Variants in RSPO3 observed in about 807,000 individuals in gnomAD.
RSPO3 encodes the protein R-spondin 3.
Under a neutral mutation model 36.5 loss-of-function variants are expected in RSPO3, and 17 were observed. The ratio of observed to expected loss-of-function variants is 0.47; its 90% CI spans 0.32 to 0.70. The LOEUF (loss-of-function observed/expected upper bound fraction) is 0.70, where lower values mean the gene tolerates loss of function less well. Ranked by LOEUF, RSPO3 falls within the 30% of genes least tolerant of loss-of-function variation. The probability of loss-of-function intolerance (pLI) is 0.04; values close to 1 mark genes in which losing one functional copy is unlikely to be tolerated. For synonymous variants in RSPO3, 108 were observed against 107.0 expected, an observed-to-expected ratio of 1.01 and a Z score of -0.06; for missense variants, 294 against 322.5, an observed-to-expected ratio of 0.91 and a Z score of 0.68.
intron 3 of RSPO3, 83 bp downstream of exon 3, chr6:127,150,655 C>T (rs1161028541): frequency 3.1e-6 from 4 of 1,291,442 alleles, no homozygotes; most frequent in African/African-American, 1.5e-5. Context: ...GCCAAAAGAA[C>T]TTGAAGGTTC....
At chr6:127,132,659 A>G (rs114179176) in intron 1 of RSPO3, among the ~76,000 whole-genome samples, 313 of 152,206 alleles carry the variant, frequency 2.1e-3, no homozygotes, top group African/African-American at 7.2e-3. Flanking sequence ...AAAAACTACT[A>G]AAAGGGATAA....
intron 3 of RSPO3, among the ~76,000 whole-genome samples, chr6:127,152,985 G>C (rs889706514): frequency 6.6e-6 from 1 of 151,994 alleles, no homozygotes; most frequent in African/African-American, 2.4e-5. Context: ...ACAAGAATTA[G>C]AGCAAAATGA....
intron 4 of RSPO3, among the ~76,000 whole-genome samples, chr6:127,175,880 T>A (rs1775046381): frequency 6.6e-6 from 1 of 151,804 alleles, no homozygotes; most frequent in Non-Finnish European, 1.5e-5. Context: ...GGACACATTA[T>A]ATTGAATAAG....
chr6:127,172,698 T>C (rs971947948), intron 4 of RSPO3, among the ~76,000 whole-genome samples: 3 of 151,822 alleles, frequency 2.0e-5, no homozygotes, highest in Admixed American at 6.6e-5. Context: ...ATAATATTAT[T>C]TGTTTAAATG....
intron 4 of RSPO3, among the ~76,000 whole-genome samples, chr6:127,158,971 T>C (rs1190140772): frequency 6.6e-6 from 1 of 152,136 alleles, no homozygotes. Context: ...GACTAATATA[T>C]AAACTATTAT....
At chr6:127,171,149 G>C (rs1774925729) in intron 4 of RSPO3, among the ~76,000 whole-genome samples, 2 of 151,780 alleles carry the variant, frequency 1.3e-5, no homozygotes, top group Non-Finnish European at 2.9e-5. Context: ...TGTTGAACAA[G>C]ATGTTTTCTA....
chr6:127,189,569 C>T (rs1449226828), intron 4 of RSPO3, among the ~76,000 whole-genome samples: 1 of 152,002 alleles, frequency 6.6e-6, no homozygotes, highest in African/African-American at 2.4e-5. Context: ...TTCTAAATTC[C>T]CAAAACAGCA....
intron 1 of RSPO3, among the ~76,000 whole-genome samples, chr6:127,119,533 C>T (rs950794945): frequency 6.6e-6 from 1 of 152,232 alleles, no homozygotes; most frequent in African/African-American, 2.4e-5. Flanking sequence ...AGGTGGCTCC[C>T]GCCCCATGGT....
At chr6:127,164,518 TTC>T (rs1179179281) in intron 4 of RSPO3, among the ~76,000 whole-genome samples, 37 of 152,246 alleles carry the variant, frequency 2.4e-4, no homozygotes, top group Admixed American at 1.4e-3. Context: ...TTTTTCTAGT[TTC>T]TCTGCATTTG....
chr6:127,184,583 A>G (rs544102565), intron 4 of RSPO3, among the ~76,000 whole-genome samples: 1 of 152,154 alleles, frequency 6.6e-6, no homozygotes, highest in African/African-American at 2.4e-5. Context: ...TTTCTTCTGC[A>G]TTAATCAGAT....
intron 1 of RSPO3, among the ~76,000 whole-genome samples, chr6:127,144,780 C>A (rs556504992): frequency 6.6e-6 from 1 of 151,568 alleles, no homozygotes; most frequent in South Asian, 2.1e-4. Flanking sequence ...CACCACCACA[C>A]TGGGCTAATT....
At chr6:127,159,840 G>A (rs1163161500) in intron 4 of RSPO3, among the ~76,000 whole-genome samples, 1 of 151,598 alleles carries the variant, frequency 6.6e-6, no homozygotes, top group Non-Finnish European at 1.5e-5. Flanking sequence ...GTAGACACGG[G>A]GTTTCACTGT....
chr6:127,158,919 A>C (rs1774649401), intron 4 of RSPO3, among the ~76,000 whole-genome samples: 1 of 152,198 alleles, frequency 6.6e-6, no homozygotes, highest in Admixed American at 6.5e-5. Flanking sequence ...ATTGAATTAT[A>C]TATTTGAAAT....
At chr6:127,160,807 G>C (rs935649136) in intron 4 of RSPO3, among the ~76,000 whole-genome samples, 3 of 152,056 alleles carry the variant, frequency 2.0e-5, no homozygotes, top group Non-Finnish European at 1.5e-5. Context: ...TCTGAACCCT[G>C]CCTCCAGAGT....
chr6:127,134,772 C>T (rs573655338), intron 1 of RSPO3, among the ~76,000 whole-genome samples: 3 of 152,290 alleles, frequency 2.0e-5, no homozygotes, highest in Non-Finnish European at 1.5e-5. Context: ...ACCTTCACAA[C>T]AATTTCATGA....
chr6:127,174,479 A>G (rs1028932186), intron 4 of RSPO3, among the ~76,000 whole-genome samples: 1 of 151,928 alleles, frequency 6.6e-6, no homozygotes, highest in Non-Finnish European at 1.5e-5. Context: ...TGAAGAAAGC[A>G]AAAGAAACAT....
rs115270920 is a variant in RSPO3 at position 127,147,342 on chromosome 6, T to A, written c.98-1306T>A. 4.7e-3 allele frequency among the ~76,000 whole-genome samples: 723 copies of A among 152,266 alleles called. 8 individuals carry two copies. Among genetic ancestry groups the A allele is most frequent in the African/African-American group, 0.017 (686 of 41,556 alleles). ...AACCAAACGTCACTGTAAAGACAGA[T>A]TTAATAATGTTAAGGTCCATCAGAG... On this transcript the variant is annotated intron_variant, in intron 1 of 4. Coordinates refer to ENST00000356698, the MANE Select transcript of RSPO3 (RefSeq NM_032784.5).
intron 4 of RSPO3, among the ~76,000 whole-genome samples, chr6:127,181,462 T>C (rs1205588003): frequency 6.6e-6 from 1 of 151,850 alleles, no homozygotes; most frequent in African/African-American, 2.4e-5. Flanking sequence ...TTTTTAGAAA[T>C]CACCCGGTAT....
At chr6:127,182,676 G>T (rs1775212862) in intron 4 of RSPO3, among the ~76,000 whole-genome samples, 1 of 151,800 alleles carries the variant, frequency 6.6e-6, no homozygotes, top group Non-Finnish European at 1.5e-5. Flanking sequence ...CCTCTTAAAT[G>T]GAAAGTTTCA....
Sources: gnomAD v4.1 joint callset for allele counts (sites outside exome capture counted in the v4.1 genomes callset) on GRCh38, gnomAD v4.1.1 for gene constraint, MANE v1.5 for transcripts, NCBI Gene and HGNC (gene_info 2026-07-23, HGNC 2026-07-21) for gene names.